The following WNT4 variants were observed in gnomAD, a reference collection of about 807,000 sequenced individuals.
WNT4 encodes the protein Wnt family member 4.
Under a neutral mutation model 34.5 loss-of-function variants are expected in WNT4, and 16 were observed. The observed-to-expected ratio is 0.46, with a 90% CI of 0.31 to 0.70. The LOEUF (loss-of-function observed/expected upper bound fraction) is 0.70, where lower values mean the gene tolerates loss of function less well. WNT4 is among the 30% of genes least tolerant of loss of function. The probability of loss-of-function intolerance (pLI) is 0.04; values close to 1 mark genes in which losing one functional copy is unlikely to be tolerated. For missense variants in WNT4, 379 were observed against 495.9 expected (o/e 0.76, Z 2.24); for synonymous variants, 200 against 211.9 (o/e 0.94, Z 0.49).
rs757245045 is a variant in WNT4 at position 22,129,573 on chromosome 1, G to T, written c.313+43C>A. 8 of 1,586,918 alleles carry T rather than the reference G, an allele frequency of 5.0e-6. No individual in the cohort carries two copies. In the Admixed American group the frequency reaches 1.2e-4, roughly 25 times the overall value. On this transcript the variant is annotated intron_variant, in intron 2 of 4. Coordinates refer to ENST00000290167, the MANE Select transcript of WNT4 (RefSeq NM_030761.5). ...TCATTTCCTGCTGGGCCCATGCCCT[G>T]GCACCGCAGGCTCCCCTGCAGCCCC...
At position 22,142,850 on chromosome 1, in the gene WNT4, A is replaced by G; in HGVS notation, c.73T>C (p.Trp25Arg). Residue 25 changes from tryptophan (W) to arginine (R), a missense_variant, in exon 1 of 5, where the codon TGG becomes CGG. Around this residue, in one of 2 missense-constraint regions of WNT4, gnomAD observed 66 missense variants for 50.1 expected, o/e 1.32. Transcript: ENST00000290167. The surrounding 1 kb of genome is among the most constrained non-coding windows in gnomAD (Gnocchi z 6.0). ...FAVFSAAASN[W>R]LYLAKLSSVG... is the part of the protein sequence containing the mutation. ...CTCGGCCCCGGCCAGACTTACAGCC[A>G]GTTGCTCGCGGCGGCTGAGAAGACG... 8.3e-7 allele frequency: 1 copy of G among 1,209,184 alleles called. No individual in the cohort carries two copies. The highest frequency in any genetic ancestry group is 1.1e-6 in the Non-Finnish European group (1 of 945,686). 74.9% of individuals were successfully genotyped at this position (1,209,184 alleles called of 1,614,324 possible).
intron 1 of WNT4, among the ~76,000 whole-genome samples, chr1:22,132,761 G>A (rs141702740): frequency 0.013 from 1,936 of 152,236 alleles, 16 homozygotes; most frequent in Middle Eastern, 0.037. Context: ...AACCTCTTCC[G>A]TTGGCACCAG....
In WNT4 at chr1:22,142,866, T is replaced by C; in HGVS notation, c.57A>G (p.Ser19=). The change falls in exon 1 of 5, where the codon TCA becomes TCG. Residue 19 remains serine, a synonymous_variant. Coordinates refer to ENST00000290167, the MANE Select transcript of WNT4 (RefSeq NM_030761.5). This position sits in a 1 kb window ranked among gnomAD's most constrained non-coding sequence, Gnocchi z 6.0. ...CTTACAGCCAGTTGCTCGCGGCGGC[T>C]GAGAAGACGGCGAAGACGAGGAGGC... ...SLRLLVFAVF[S]AAASNWLYLA... is the part of the protein sequence containing the mutation. The C allele has an allele frequency of 4.1e-6, 5 of 1,211,924 alleles. No individual in the cohort carries two copies. The highest frequency in any genetic ancestry group is 1.4e-5 in the South Asian group (1 of 73,256). 75.1% of individuals were successfully genotyped at this position (1,211,924 alleles called of 1,614,324 possible).
intron 1 of WNT4, among the ~76,000 whole-genome samples, chr1:22,133,529 C>G (rs1454767282): frequency 1.3e-5 from 2 of 152,222 alleles, no homozygotes; most frequent in Non-Finnish European, 2.9e-5. Flanking sequence ...GACAGAGAGC[C>G]AGGGCGTGAT....
Position 22,135,676 on chromosome 1 carries a change from T to C in WNT4, c.78-5825A>G, listed in dbSNP as rs1266423737. ...GCCATGGAAGGGTTGCTGCCACTGG[T>C]CCAAAACCCCTGGAGGGGCAGGCTT... On this transcript the variant is annotated intron_variant, in intron 1 of 4. Coordinates refer to ENST00000290167, the MANE Select transcript of WNT4 (RefSeq NM_030761.5). 3.3e-5 allele frequency among the ~76,000 whole-genome samples: 5 copies of C among 152,200 alleles called. No homozygotes were observed. The South Asian group carries it at 8.3e-4, about 25-fold the overall frequency.
intron 4 of WNT4, among the ~76,000 whole-genome samples, 195 bp downstream of exon 4, chr1:22,121,016 C>T (rs930700902): frequency 6.6e-6 from 1 of 152,084 alleles, no homozygotes; most frequent in Non-Finnish European, 1.5e-5. Flanking sequence ...GGGCCACTTA[C>T]CCCATTCTGT....
Position 22,142,964 on chromosome 1 carries a change from C to T in WNT4, c.-42G>A. ...CCCGGCCCGGGGCAGCGGCTGCGGCCGCGGGGGGCCTCCCGTCGGGGCTGC... is the reference window on the plus strand; with the variant it reads ...CCCGGCCCGGGGCAGCGGCTGCGGCTGCGGGGGGCCTCCCGTCGGGGCTGC... On this transcript the variant is annotated 5_prime_UTR_variant, in exon 1 of 5. Coordinates refer to ENST00000290167, the MANE Select transcript of WNT4 (RefSeq NM_030761.5). The surrounding 1 kb of genome is among the most constrained non-coding windows in gnomAD (Gnocchi z 6.0). 1 of 1,006,600 alleles carries T rather than the reference C, an allele frequency of 9.9e-7. No individual in the cohort carries two copies. The highest frequency in any genetic ancestry group is 1.2e-6 in the Non-Finnish European group (1 of 845,788). The allele number at this position is 1,006,600 out of a possible 1,614,324, so 62.4% of individuals were successfully genotyped here. A position where few individuals can be genotyped will look rare whatever the true frequency, so the allele number is the denominator to read the frequency against.
In WNT4 at chr1:22,117,350, C is replaced by A. The variant is rs371913827; in HGVS notation, c.*2700G>T. The A allele has an allele frequency of 6.6e-6, 1 of 152,260 alleles. No homozygotes were observed. The highest frequency in any genetic ancestry group is 2.4e-5 in the African/African-American group (1 of 41,460). 9.4% of individuals were successfully genotyped at this position (152,260 alleles called of 1,614,324 possible). A position where few individuals can be genotyped will look rare whatever the true frequency, so the allele number is the denominator to read the frequency against. ...TGTTTTATCGTGCATCAGACTATGT[C>A]ATGGGACGTCACAATGGCAAAGAGC... is the stretch of plus-strand genomic sequence containing the variant. On this transcript the variant is annotated 3_prime_UTR_variant, in exon 5 of 5. Transcript: ENST00000290167.
intron 2 of WNT4, chr1:22,127,291 G>A (rs761137242): frequency 1.3e-5 from 7 of 525,668 alleles, no homozygotes; most frequent in Admixed American, 2.0e-5. Context: ...ATGCTGAGCC[G>A]GTGTGGGTGC....
Position 22,130,543 on chromosome 1 carries a change from C to T in WNT4, c.78-692G>A, listed in dbSNP as rs141829443. On this transcript the variant is annotated intron_variant, in intron 1 of 4. Coordinates refer to ENST00000290167, the MANE Select transcript of WNT4 (RefSeq NM_030761.5). ...GGCTTGCCCAGCACACTGAGTCTCC[C>T]AAGGGTTGGGGATTTTCTAGGGGTT... Among the ~76,000 whole-genome samples the T allele has an allele frequency of 4.5e-3, 693 of 152,352 alleles. 5 individuals are homozygous for T. Among genetic ancestry groups the T allele is most frequent in the Middle Eastern group, 0.037 (11 of 294 alleles).
In WNT4 at chr1:22,142,642, G is replaced by GGACCCGGGCAGGAGGGGACCCC. The variant is rs1328498925; in HGVS notation, c.77+182_77+203dup. On this transcript the variant is annotated intron_variant, in intron 1 of 4. Coordinates refer to ENST00000290167, the MANE Select transcript of WNT4 (RefSeq NM_030761.5). The surrounding 1 kb of genome is among the most constrained non-coding windows in gnomAD (Gnocchi z 6.0). The stretch of plus-strand genomic sequence containing the variant: ...CCCTGACGCCTCTGGGCAGGGAGCC[G>GGACCCGGGCAGGAGGGGACCCC]GACCCGGGCAGGAGGGGACCCCGGG... Among the ~76,000 whole-genome samples, 112 of 151,900 alleles carry GGACCCGGGCAGGAGGGGACCCC rather than the reference G, an allele frequency of 7.4e-4. No homozygotes were observed. The highest frequency in any genetic ancestry group is 1.3e-3 in the Non-Finnish European group (85 of 67,942).
At chr1:22,126,965 A>AGAGC (rs1645945108) in intron 2 of WNT4, 1 of 304,604 alleles carries the variant, frequency 3.3e-6, no homozygotes, top group Non-Finnish European at 6.5e-6. Flanking sequence ...GCACCTTCTG[A>AGAGC]GAGCAGTGCT....
chr1:22,125,535 T>C (rs1645933758), intron 2 of WNT4, among the ~76,000 whole-genome samples: 1 of 152,182 alleles, frequency 6.6e-6, no homozygotes, highest in African/African-American at 2.4e-5. Context: ...GAAGGTGTCC[T>C]AGATGGTTTA....
At position 22,142,747 on chromosome 1, in the gene WNT4, G is replaced by T; in HGVS notation, c.77+99C>A. On this transcript the variant is annotated intron_variant, in intron 1 of 4. Transcript: ENST00000290167. The surrounding 1 kb of genome is among the most constrained non-coding windows in gnomAD (Gnocchi z 6.0). ...GTCCCGCGGCCGAGACACCTGCCGG[G>T]CTGCCCCGCGCCCGCTGCCCCGCGC... 1 of 837,184 alleles carries T rather than the reference G, an allele frequency of 1.2e-6. No homozygotes were observed. Among genetic ancestry groups the T allele is most frequent in the Non-Finnish European group, 1.4e-6 (1 of 696,030 alleles). The allele number at this position is 837,184 out of a possible 1,614,324, so 51.9% of individuals were successfully genotyped here. A position where few individuals can be genotyped will look rare whatever the true frequency, so the allele number is the denominator to read the frequency against.
intron 1 of WNT4, among the ~76,000 whole-genome samples, chr1:22,138,407 C>G (rs1425377801): frequency 6.6e-6 from 1 of 150,974 alleles, no homozygotes; most frequent in Non-Finnish European, 1.5e-5. Flanking sequence ...ATTTTGCCCG[C>G]CCCCCAGGGG....
At chr1:22,136,156 G>T (rs192455102) in intron 1 of WNT4, among the ~76,000 whole-genome samples, 1 of 152,246 alleles carries the variant, frequency 6.6e-6, no homozygotes, top group East Asian at 1.9e-4. Flanking sequence ...TAGCCCCTTG[G>T]ACCTGAGCCT....
rs1205761455 is a variant in WNT4 at position 22,137,533 on chromosome 1, T to C, written c.77+5313A>G. 1.3e-5 allele frequency among the ~76,000 whole-genome samples: 2 copies of C among 152,198 alleles called. No individual in the cohort carries two copies. The highest frequency in any genetic ancestry group is 3.8e-4 in the East Asian group (2 of 5,202). On this transcript the variant is annotated intron_variant, in intron 1 of 4. Coordinates refer to ENST00000290167, the MANE Select transcript of WNT4 (RefSeq NM_030761.5). The surrounding 1 kb of genome is among the most constrained non-coding windows in gnomAD (Gnocchi z 5.3). ...GAGGCAGGAACAAGAGGAGGAGGCT[T>C]GGTGCAAATGCTCAGCTTTCCCAGT...
At position 22,120,132 on chromosome 1, in the gene WNT4, C is replaced by T. The variant is rs1329330268; in HGVS notation, c.974G>A (p.Arg325His). 5.0e-6 allele frequency: 8 copies of T among 1,613,180 alleles called. No homozygotes were observed. Among genetic ancestry groups the T allele is most frequent in the East Asian group, 4.5e-5 (2 of 44,890 alleles). The change falls in exon 5 of 5, where the codon CGC (arginine) becomes CAC (histidine). Residue 325 changes from arginine to histidine, a missense_variant. Arg to His is a conservative substitution (Grantham distance 29). Transcript: ENST00000290167. ...FHTAQVELAE[R>H]CSCKFHWCCF... Reference sequence around the variant, plus strand: ...GCACCAGTGGAATTTGCAGCTGCAGCGTTCAGCCAGCTCCACCTGCGCCGT... The same window carrying T: ...GCACCAGTGGAATTTGCAGCTGCAGTGTTCAGCCAGCTCCACCTGCGCCGT...
At chr1:22,133,170 G>A (rs1645996707) in intron 1 of WNT4, among the ~76,000 whole-genome samples, 1 of 152,070 alleles carries the variant, frequency 6.6e-6, no homozygotes, top group Admixed American at 6.5e-5. Flanking sequence ...CTGCTGAGGG[G>A]GGCTAACACT....
Sources: gnomAD v4.1 joint callset for allele counts (sites outside exome capture counted in the v4.1 genomes callset) on GRCh38, gnomAD v4.1.1 for gene constraint, gnomAD v4.1.1 regional missense constraint, Gnocchi (gnomAD v3.1) non-coding constraint, MANE v1.5 for transcripts, NCBI Gene and HGNC (gene_info 2026-07-23, HGNC 2026-07-21) for gene names.